TMEM204: variants seen among roughly 807,000 people sequenced by gnomAD.
TMEM204 encodes claudin-like protein 24.
TMEM204 carries 15 observed loss-of-function variants against 19.4 expected under a neutral mutation model. The observed-to-expected ratio is 0.77, with a 90% confidence interval of 0.52 to 1.19. TMEM204 has a LOEUF of 1.19. Ranked by LOEUF, TMEM204 falls within the 50% of genes most tolerant of loss-of-function variation. The pLI is 0.00. For missense variants in TMEM204, 287 were observed against 321.2 expected (o/e 0.89, Z 0.81); for synonymous variants, 161 against 146.0 (o/e 1.10, Z -0.74).
In TMEM204 at chr16:1,554,919, CA is replaced by C. The variant is rs749159438; in HGVS notation, c.575del (p.His192ProfsTer11). On this transcript the variant is annotated frameshift_variant, in exon 3 of 3. Transcript: ENST00000566264. LOFTEE classifies it high-confidence loss of function. ...AGCCATGCTCATCTGGAACATTCTC[CA>C]CAAGAGGGAGGACTGCATGGCCCCC... Reference protein sequence around the residue: ...AAAMLIWNILHKREDCMAPRV... With the variant: ...AAAMLIWNILXKREDCMAPRV... The C allele has an allele frequency of 6.2e-7, 1 of 1,614,240 alleles. No homozygotes were observed. Among genetic ancestry groups the C allele is most frequent in the East Asian group, 2.2e-5 (1 of 44,886 alleles).
intron 2 of TMEM204, among the ~76,000 whole-genome samples, chr16:1,544,226 C>T (rs575851865): frequency 1.3e-5 from 2 of 151,738 alleles, no homozygotes; most frequent in African/African-American, 4.8e-5. Flanking sequence ...CTCTGTCACC[C>T]AGGCTGGAGT....
chr16:1,535,236 G>A (rs569986138), intron 1 of TMEM204, among the ~76,000 whole-genome samples: 1 of 152,248 alleles, frequency 6.6e-6, no homozygotes, highest in Non-Finnish European at 1.5e-5. Flanking sequence ...CAGGACGCTC[G>A]GAAGGGGACA....
intron 1 of TMEM204, among the ~76,000 whole-genome samples, chr16:1,537,150 A>C (rs562878709): frequency 2.0e-5 from 3 of 152,118 alleles, no homozygotes; most frequent in Admixed American, 2.0e-4. Flanking sequence ...TCACAATTCC[A>C]TCCCGAGAAC....
chr16:1,545,405 G>T (rs2032088168), intron 2 of TMEM204, among the ~76,000 whole-genome samples: 1 of 152,150 alleles, frequency 6.6e-6, no homozygotes, highest in Non-Finnish European at 1.5e-5. Flanking sequence ...GGTCTGTTTT[G>T]CCCAAAAAGG....
intron 1 of TMEM204, among the ~76,000 whole-genome samples, chr16:1,538,707 C>T (rs1359537704): frequency 6.6e-6 from 1 of 152,204 alleles, no homozygotes; most frequent in Non-Finnish European, 1.5e-5. Flanking sequence ...TGGCACAGCA[C>T]CGTGCCACAG....
At chr16:1,552,034 C>G (rs79038790) in intron 2 of TMEM204, among the ~76,000 whole-genome samples, 1 of 152,164 alleles carries the variant, frequency 6.6e-6, no homozygotes, top group Non-Finnish European at 1.5e-5. Flanking sequence ...AACCGCAGAC[C>G]GTGAGGGAGG....
At chr16:1,543,588 G>C (rs1054613232) in intron 2 of TMEM204, among the ~76,000 whole-genome samples, 7 of 152,220 alleles carry the variant, frequency 4.6e-5, no homozygotes, top group South Asian at 2.1e-4. Context: ...CTAAACTAAC[G>C]TGAGCCTCTG....
chr16:1,553,502 G>A lies in TMEM204; in HGVS notation c.437-1280G>A. Reference sequence around the variant, plus strand: ...AGGGACAGCAGTGGGGCTCGGCGTGGCCGGAGCCTGGGGAGGGACATGGAC... The same window carrying A: ...AGGGACAGCAGTGGGGCTCGGCGTGACCGGAGCCTGGGGAGGGACATGGAC... On this transcript the variant is annotated intron_variant, in intron 2 of 2. Coordinates refer to ENST00000566264, the MANE Select transcript of TMEM204 (RefSeq NM_024600.6). The surrounding 1 kb of genome is among the most constrained non-coding windows in gnomAD (Gnocchi z 4.4). 2 of 985,460 alleles carry A rather than the reference G, an allele frequency of 2.0e-6. No individual in the cohort carries two copies. Among genetic ancestry groups the A allele is most frequent in the Non-Finnish European group, 2.4e-6 (2 of 829,936 alleles). The allele number at this position is 985,460 out of a possible 1,614,324, so 61.0% of individuals were successfully genotyped here.
intron 2 of TMEM204, among the ~76,000 whole-genome samples, chr16:1,546,654 A>T (rs1193036376): frequency 6.6e-6 from 1 of 152,164 alleles, no homozygotes; most frequent in Non-Finnish European, 1.5e-5. Context: ...TCGGGGGCGC[A>T]AACTGTCCTC....
At chr16:1,530,201 C>T (rs925251739), upstream of TMEM204, among the ~76,000 whole-genome samples, 1 of 142,316 alleles carries the variant, frequency 7.0e-6, no homozygotes, top group Non-Finnish European at 1.5e-5. Flanking sequence ...TGTGGTGGCA[C>T]GATCTTGGCT....
At position 1,534,518 on chromosome 16, in the gene TMEM204, G is replaced by GGCAGCC. The variant is rs2030857268; in HGVS notation, c.245_250dup (p.Ala82_Ala83dup). 1.2e-6 allele frequency: 2 copies of GGCAGCC among 1,607,138 alleles called. No homozygotes were observed. Among genetic ancestry groups the GGCAGCC allele is most frequent in the East Asian group, 2.2e-5 (1 of 44,874 alleles). ...GTGAGGCGCTGGGCTGGGGCTCCGA[G>GGCAGCC]GCAGCCGGCTTCCAGGAGTCCCGAG... is the stretch of plus-strand genomic sequence containing the variant. On this transcript the variant is annotated inframe_insertion, in exon 1 of 3. Transcript: ENST00000566264.
chr16:1,545,813 G>A (rs528436690), intron 2 of TMEM204, among the ~76,000 whole-genome samples: 5 of 152,338 alleles, frequency 3.3e-5, no homozygotes, highest in South Asian at 2.1e-4. Flanking sequence ...TTTTGCTCTC[G>A]CTCCATGAAT....
At chr16:1,540,966 T>C in intron 1 of TMEM204, 1 of 985,430 alleles carries the variant, frequency 1.0e-6, no homozygotes, top group Non-Finnish European at 1.2e-6. Flanking sequence ...GGGAACACAC[T>C]GCTTCACCAC....
rs116101766 is a variant in TMEM204, at chr16:1,537,214, C to T, written c.280+2659C>T. On this transcript the variant is annotated intron_variant, in intron 1 of 2. Transcript: ENST00000566264. ...GGGAAGACAACGTCACACCGCGTGC[C>T]TCCTCACGCAGGCCAGGGAAGACAA... Among the ~76,000 whole-genome samples, 972 of 151,598 alleles carry T rather than the reference C, an allele frequency of 6.4e-3. 6 individuals carry two copies. The highest frequency in any genetic ancestry group is 0.022 in the African/African-American group (929 of 41,494).
intron 1 of TMEM204, 107 bp from the exon 2 acceptor site, chr16:1,541,814 G>A (rs1044775772): frequency 1.4e-5 from 19 of 1,355,832 alleles, no homozygotes; most frequent in Middle Eastern, 4.0e-4. Flanking sequence ...AGCCTGTGCC[G>A]ACCGCCCTTT....
intron 1 of TMEM204, among the ~76,000 whole-genome samples, chr16:1,538,551 G>A (rs1459049826): frequency 6.6e-6 from 1 of 152,156 alleles, no homozygotes; most frequent in Non-Finnish European, 1.5e-5. Flanking sequence ...AGGGCAGAGC[G>A]CAGAGCCCTG....
In TMEM204 at chr16:1,551,761, A is replaced by G. The variant is rs1343324073; in HGVS notation, c.437-3021A>G. Among the ~76,000 whole-genome samples, 1 of 152,152 alleles carries G rather than the reference A, an allele frequency of 6.6e-6. No individual in the cohort carries two copies. Among genetic ancestry groups the G allele is most frequent in the Non-Finnish European group, 1.5e-5 (1 of 68,022 alleles). ...CTACCTATACAAAGGAGGCCACACC[A>G]CACGTGCGTGGTCCGGCAGATCCGG... On this transcript the variant is annotated intron_variant, in intron 2 of 2. Transcript: ENST00000566264. The surrounding 1 kb of genome is among the most constrained non-coding windows in gnomAD (Gnocchi z 4.0).
chr16:1,550,630 G>C (rs569882462), intron 2 of TMEM204, among the ~76,000 whole-genome samples: 3 of 152,292 alleles, frequency 2.0e-5, no homozygotes, highest in South Asian at 4.1e-4. Flanking sequence ...GCAGGAGGCC[G>C]GGCTCAGTTC....
Position 1,553,236 on chromosome 16 carries a change from GTGTCTGTCTC to G in TMEM204, c.437-1540_437-1531del. On this transcript the variant is annotated intron_variant, in intron 2 of 2. Transcript: ENST00000566264. This position sits in a 1 kb window ranked among gnomAD's most constrained non-coding sequence, Gnocchi z 4.4. The stretch of plus-strand genomic sequence containing the variant: ...TCTCTCTCTGTCTCCATCTGTCTCT[GTGTCTGTCTC>G]TGTCTCTCTGTATCTCTCTTGGTCT... The G allele has an allele frequency of 1.0e-6, 1 of 976,712 alleles. No homozygotes were observed. Among genetic ancestry groups the G allele is most frequent in the Non-Finnish European group, 1.2e-6 (1 of 822,928 alleles). The allele number at this position is 976,712 out of a possible 1,614,324, so 60.5% of individuals were successfully genotyped here.
Sources: allele counts gnomAD v4.1 joint callset (sites outside exome capture counted in the v4.1 genomes callset), GRCh38; gene constraint gnomAD v4.1.1; non-coding constraint Gnocchi (gnomAD v3.1); transcripts MANE v1.5; gene names NCBI Gene and HGNC (gene_info 2026-07-23, HGNC 2026-07-21).